CADM1: variants seen among roughly 807,000 people sequenced by gnomAD.
CADM1 encodes TSLC-1.
CADM1 carries 15 observed loss-of-function variants against 53.1 expected under a neutral mutation model. The observed-to-expected ratio is 0.28, with a 90% confidence interval of 0.19 to 0.44. The LOEUF (loss-of-function observed/expected upper bound fraction) is 0.44, where lower values mean the gene tolerates loss of function less well. Among genes scored for constraint, CADM1 ranks in the 20% least tolerant of loss-of-function variants. CADM1 has a pLI of 1.00. For synonymous variants in CADM1, 281 were observed against 243.0 expected, an observed-to-expected ratio of 1.16 and a Z score of -1.45; for missense variants, 434 against 611.3, an observed-to-expected ratio of 0.71 and a Z score of 3.06.
chr11:115,372,958 T>C lies in CADM1; in HGVS notation c.124+131313A>G, dbSNP rs146588278. On this transcript the variant is annotated intron_variant, in intron 1 of 11. Coordinates refer to ENST00000331581, the MANE Select transcript of CADM1 (RefSeq NM_001301043.2). ...TATGCACCTGTTACTCCTTTGATTG[T>C]CAATTAACATTTCTGCCTAAGAGGA... Among the ~76,000 whole-genome samples the C allele has an allele frequency of 1.4e-4, 21 of 152,298 alleles. No individual in the cohort carries two copies. In the East Asian group the frequency reaches 4.1e-3, roughly 29 times the overall value.
chr11:115,440,397 G>A (rs969013024), intron 1 of CADM1, among the ~76,000 whole-genome samples: 3 of 152,138 alleles, frequency 2.0e-5, no homozygotes, highest in South Asian at 2.1e-4. Context: ...CTCCAGCATT[G>A]TGCATAGCAC....
chr11:115,212,744 C>G (rs1394554446), intron 7 of CADM1, among the ~76,000 whole-genome samples: 1 of 152,114 alleles, frequency 6.6e-6, no homozygotes, highest in Non-Finnish European at 1.5e-5. Context: ...ATTTAGAAAC[C>G]TGGTGAAGTT....
chr11:115,418,517 A>G (rs886616223), intron 1 of CADM1, among the ~76,000 whole-genome samples: 2 of 152,188 alleles, frequency 1.3e-5, no homozygotes, highest in Non-Finnish European at 2.9e-5. Flanking sequence ...CTACAGCAGA[A>G]TCTGGACCAG....
chr11:115,420,817 G>A (rs184903465), intron 1 of CADM1, among the ~76,000 whole-genome samples: 4 of 152,248 alleles, frequency 2.6e-5, no homozygotes, highest in African/African-American at 9.6e-5. Context: ...CTGATTCAAT[G>A]CTGCTGTAGG....
At chr11:115,260,876 G>A (rs963772391) in intron 1 of CADM1, among the ~76,000 whole-genome samples, 7 of 151,734 alleles carry the variant, frequency 4.6e-5, no homozygotes, top group African/African-American at 1.5e-4. Flanking sequence ...GGGTTTCACC[G>A]TGTTAGCCAG....
At chr11:115,377,753 C>T (rs1457886592) in intron 1 of CADM1, 1 of 152,118 alleles carries the variant, frequency 6.6e-6, no homozygotes, top group Admixed American at 6.5e-5. Context: ...TATGTCCACT[C>T]TTGCAAAAGA....
intron 3 of CADM1, among the ~76,000 whole-genome samples, chr11:115,232,013 T>TAATAATAACAAC (rs576888198): frequency 4.1e-5 from 6 of 146,974 alleles, no homozygotes; most frequent in Admixed American, 2.7e-4. Flanking sequence ...ATAATAATAA[T>TAATAATAACAAC]AACAACAACA....
rs148546265 is a variant in CADM1 at position 115,337,208 on chromosome 11, G to T, written c.125-96788C>A. ...CAGCTCTGATATGCTTCTGCAACTAGGTCCTTGATGTTCTCCAGTTCCTTA... is the reference window on the plus strand; with the variant it reads ...CAGCTCTGATATGCTTCTGCAACTATGTCCTTGATGTTCTCCAGTTCCTTA... On this transcript the variant is annotated intron_variant, in intron 1 of 11. Coordinates refer to ENST00000331581, the MANE Select transcript of CADM1 (RefSeq NM_001301043.2). 9.4e-3 allele frequency among the ~76,000 whole-genome samples: 1,424 copies of T among 152,196 alleles called. 10 individuals are homozygous for T. The highest frequency in any genetic ancestry group is 0.015 in the Non-Finnish European group (1,036 of 67,998).
intron 1 of CADM1, among the ~76,000 whole-genome samples, chr11:115,497,642 G>A (rs1949648643): frequency 6.6e-6 from 1 of 152,170 alleles, no homozygotes; most frequent in African/African-American, 2.4e-5. Context: ...AAGAAACTGT[G>A]GCTTCTGAAA....
intron 1 of CADM1, among the ~76,000 whole-genome samples, chr11:115,467,081 C>T (rs530377143): frequency 7.2e-5 from 11 of 152,230 alleles, no homozygotes; most frequent in African/African-American, 1.4e-4. Context: ...AAATAAACTG[C>T]GGCAGCACCT....
intron 1 of CADM1, among the ~76,000 whole-genome samples, chr11:115,340,658 A>ATATATTTTTTTTTTT (rs60532835): frequency 8.6e-5 from 3 of 34,944 alleles, no homozygotes; most frequent in African/African-American, 1.4e-4. Flanking sequence ...ATATATATAT[A>ATATATTTTTTTTTTT]TTTTTTTTTT....
At chr11:115,302,781 A>G (rs912686594) in intron 1 of CADM1, among the ~76,000 whole-genome samples, 5 of 152,010 alleles carry the variant, frequency 3.3e-5, no homozygotes, top group South Asian at 2.1e-4. Flanking sequence ...AGGGAGATGG[A>G]GTGATAGACA....
At chr11:115,284,114 C>CTCTCTCTCTCTCTCTCTCTCTCTCTG (rs1351842329) in intron 1 of CADM1, among the ~76,000 whole-genome samples, 36 of 98,678 alleles carry the variant, frequency 3.6e-4, no homozygotes, top group Non-Finnish European at 5.1e-4. Flanking sequence ...CTCTCTCTCT[C>CTCTCTCTCTCTCTCTCTCTCTCTCTG]TGTGTGTGTG....
At position 115,176,269 on chromosome 11, in the gene CADM1, GA is replaced by G; in HGVS notation, c.*204del. On this transcript the variant is annotated 3_prime_UTR_variant, in exon 12 of 12. Transcript: ENST00000331581. Reference sequence around the variant, plus strand: ...ATAAAAATTAAACAAACAAACAAACGAAAAAAGAGGTGTCAAACAGCAGAGT... The same window carrying G: ...ATAAAAATTAAACAAACAAACAAACGAAAAAGAGGTGTCAAACAGCAGAGT... The G allele has an allele frequency of 7.4e-7, 1 of 1,346,998 alleles. No individual in the cohort carries two copies. 83.4% of individuals were successfully genotyped at this position (1,346,998 alleles called of 1,614,324 possible).
chr11:115,224,346 A>T (rs1941520714), intron 5 of CADM1, among the ~76,000 whole-genome samples: 1 of 152,146 alleles, frequency 6.6e-6, no homozygotes, highest in African/African-American at 2.4e-5. Context: ...TGGATTTATA[A>T]AATACCTAGC....
chr11:115,313,357 G>A (rs1364284056), intron 1 of CADM1, among the ~76,000 whole-genome samples: 1 of 152,132 alleles, frequency 6.6e-6, no homozygotes, highest in Non-Finnish European at 1.5e-5. Context: ...TCACTTCAAA[G>A]GGTAAAAATA....
At chr11:115,311,656 T>C (rs1264594790) in intron 1 of CADM1, among the ~76,000 whole-genome samples, 2 of 152,098 alleles carry the variant, frequency 1.3e-5, no homozygotes, top group African/African-American at 4.8e-5. Flanking sequence ...CTAAGTCCCA[T>C]TATGCCCCCA....
chr11:115,322,511 C>T (rs545102359), intron 1 of CADM1, among the ~76,000 whole-genome samples: 2 of 152,172 alleles, frequency 1.3e-5, no homozygotes, highest in South Asian at 4.1e-4. Context: ...TATCTAATTT[C>T]AGAACATTCT....
intron 1 of CADM1, among the ~76,000 whole-genome samples, chr11:115,359,870 T>C (rs1459757794): frequency 6.6e-6 from 1 of 152,218 alleles, no homozygotes; most frequent in African/African-American, 2.4e-5. Context: ...ATGTGCTAAA[T>C]CATGACATTA....
Sources: allele counts gnomAD v4.1 joint callset (sites outside exome capture counted in the v4.1 genomes callset), GRCh38; gene constraint gnomAD v4.1.1; transcripts MANE v1.5; gene names NCBI Gene and HGNC (gene_info 2026-07-23, HGNC 2026-07-21).